DHX15: variants seen among roughly 807,000 people sequenced by gnomAD.
DHX15 encodes ATP-dependent RNA helicase DHX15.
In DHX15, 11 loss-of-function variants were observed where a neutral mutation model predicts 94.4. The ratio of observed to expected loss-of-function variants is 0.12; its 90% CI spans 0.07 to 0.19. DHX15 has a LOEUF of 0.19. Among genes scored for constraint, DHX15 ranks in the 10% least tolerant of loss-of-function variants. The pLI is 1.00. For synonymous variants in DHX15, 338 were observed against 329.9 expected, an observed-to-expected ratio of 1.02 and a Z score of -0.27; for missense variants, 304 against 988.5, an observed-to-expected ratio of 0.31 and a Z score of 9.29.
intron 12 of DHX15, among the ~76,000 whole-genome samples, chr4:24,531,271 G>A (rs1210544884): frequency 3.3e-5 from 5 of 151,812 alleles, no homozygotes; most frequent in Non-Finnish European, 5.9e-5. Context: ...TGTATTTTTA[G>A]TAGAGACGGG....
chr4:24,559,747 TAGC>T (rs1429863485), intron 3 of DHX15, among the ~76,000 whole-genome samples: 1 of 152,146 alleles, frequency 6.6e-6, no homozygotes, highest in Non-Finnish European at 1.5e-5. Flanking sequence ...AAAAATTTAT[TAGC>T]ATCACCTTGG....
intron 3 of DHX15, among the ~76,000 whole-genome samples, chr4:24,557,830 G>A (rs1721769762): frequency 1.3e-5 from 2 of 151,980 alleles, no homozygotes; most frequent in Admixed American, 1.3e-4. Flanking sequence ...GAGGACGTTT[G>A]GTAATTTTTC....
intron 11 of DHX15, chr4:24,533,851 T>C (rs1237401003): frequency 6.6e-6 from 1 of 152,204 alleles, no homozygotes; most frequent in Admixed American, 6.5e-5. Context: ...ACTAACAGGG[T>C]TATTGTGAAA....
chr4:24,537,799 G>A lies in DHX15; in HGVS notation c.1787-626C>T, dbSNP rs1721226427. 1 of 152,024 alleles carries A rather than the reference G, an allele frequency of 6.6e-6. No homozygotes were observed. The highest frequency in any genetic ancestry group is 2.1e-4 in the South Asian group (1 of 4,826). The allele number at this position is 152,024 out of a possible 1,614,324, so 9.4% of individuals were successfully genotyped here. ...AGCAGTAGTGGTGGAAGGTTAAACC[G>A]CCTTTGAATTAAGAAAATTCAAAAA... is the stretch of plus-strand genomic sequence containing the variant. On this transcript the variant is annotated intron_variant, in intron 10 of 13. Coordinates refer to ENST00000336812, the MANE Select transcript of DHX15 (RefSeq NM_001358.3). This position sits in a 1 kb window ranked among gnomAD's most constrained non-coding sequence, Gnocchi z 4.7.
chr4:24,543,996 A>G (rs1001041716), intron 6 of DHX15, among the ~76,000 whole-genome samples: 3 of 151,424 alleles, frequency 2.0e-5, no homozygotes, highest in Admixed American at 6.6e-5. Context: ...AAATTTAAAA[A>G]GGTTTACTTC....
intron 3 of DHX15, among the ~76,000 whole-genome samples, chr4:24,557,396 A>G (rs1721761410): frequency 6.6e-6 from 1 of 152,162 alleles, no homozygotes; most frequent in South Asian, 2.1e-4. Context: ...TCATTTATGA[A>G]TTCACCATTT....
intron 6 of DHX15, among the ~76,000 whole-genome samples, chr4:24,548,205 C>T (rs1255951907): frequency 2.2e-5 from 3 of 137,062 alleles, no homozygotes; most frequent in African/African-American, 5.5e-5. Context: ...TGCAGTGTTG[C>T]GGTCTCAGCT....
At chr4:24,556,132 T>A (rs1232461806) in intron 4 of DHX15, 119 bp downstream of exon 4, 1 of 722,254 alleles carries the variant, frequency 1.4e-6, no homozygotes, top group South Asian at 3.0e-5. Context: ...AGAAGGTACT[T>A]ACTAGTTCCT....
chr4:24,546,505 T>C (rs751689715), intron 6 of DHX15, among the ~76,000 whole-genome samples: 1 of 152,262 alleles, frequency 6.6e-6, no homozygotes, highest in Non-Finnish European at 1.5e-5. Context: ...CTTGAATGCA[T>C]GTAAAGAATT....
intron 11 of DHX15, among the ~76,000 whole-genome samples, chr4:24,536,269 C>G (rs1483010594): frequency 6.6e-6 from 1 of 152,050 alleles, no homozygotes; most frequent in Non-Finnish European, 1.5e-5. Context: ...CACTGGTGGG[C>G]ATTTAGGTAG....
intron 1 of DHX15, among the ~76,000 whole-genome samples, chr4:24,577,974 C>T (rs932753384): frequency 6.6e-6 from 1 of 152,092 alleles, no homozygotes; most frequent in Non-Finnish European, 1.5e-5. Context: ...GTACAAATTC[C>T]CTGTGCTCCA....
intron 10 of DHX15, chr4:24,538,493 C>G (rs961739365): frequency 2.0e-5 from 3 of 152,094 alleles, no homozygotes; most frequent in African/African-American, 7.2e-5. Context: ...AAGTAGTGCT[C>G]TCAAAGGCCT....
At chr4:24,569,523 C>T (rs1052828995) in intron 3 of DHX15, among the ~76,000 whole-genome samples, 13 of 125,384 alleles carry the variant, frequency 1.0e-4, no homozygotes, top group African/African-American at 2.9e-4. Flanking sequence ...ACCCGGGAGG[C>T]GGAGGTTGCA....
At chr4:24,578,387 C>A (rs1191049870) in intron 1 of DHX15, among the ~76,000 whole-genome samples, 1 of 152,096 alleles carries the variant, frequency 6.6e-6, no homozygotes, top group Non-Finnish European at 1.5e-5. Flanking sequence ...ATGTGCCCAG[C>A]AAAGTAAGAA....
At chr4:24,563,459 G>C (rs1721927544) in intron 3 of DHX15, 1 of 152,020 alleles carries the variant, frequency 6.6e-6, no homozygotes, top group Non-Finnish European at 1.5e-5. Context: ...CACTGCACCT[G>C]GACTTGTTTA....
chr4:24,578,545 A>T (rs920112966), intron 1 of DHX15, among the ~76,000 whole-genome samples: 4 of 152,206 alleles, frequency 2.6e-5, no homozygotes, highest in African/African-American at 9.6e-5. Flanking sequence ...GGAGGAGATG[A>T]CAAAAAATAT....
intron 1 of DHX15, among the ~76,000 whole-genome samples, chr4:24,583,916 T>G (rs1394480335): frequency 6.6e-6 from 1 of 152,162 alleles, no homozygotes; most frequent in Non-Finnish European, 1.5e-5. Flanking sequence ...AAGTGCCTGC[T>G]GCCCTTGGAA....
intron 4 of DHX15, among the ~76,000 whole-genome samples, chr4:24,555,408 T>A (rs971368755): frequency 6.6e-6 from 1 of 152,062 alleles, no homozygotes; most frequent in Non-Finnish European, 1.5e-5. Flanking sequence ...AAAACCTTGG[T>A]AGCACAATAA....
intron 3 of DHX15, chr4:24,563,240 TCA>T (rs1400408338): frequency 6.6e-6 from 1 of 152,136 alleles, no homozygotes; most frequent in East Asian, 1.9e-4. Context: ...CAGTGGCTAC[TCA>T]CAGATACAAT....
Sources: gnomAD v4.1 joint callset for allele counts (sites outside exome capture counted in the v4.1 genomes callset) on GRCh38, gnomAD v4.1.1 for gene constraint, Gnocchi (gnomAD v3.1) non-coding constraint, MANE v1.5 for transcripts, NCBI Gene and HGNC (gene_info 2026-07-23, HGNC 2026-07-21) for gene names.